Variants in ZNF331 observed in about 807,000 individuals in gnomAD.
ZNF331 encodes the protein zinc finger protein 331, also known as C2H2-like zinc finger protein rearranged in thyroid adenomas.
In ZNF331, 2 loss-of-function variants were observed where a neutral mutation model predicts 7.0. The observed-to-expected ratio is 0.29, with a 90% CI of 0.12 to 0.90. The LOEUF (loss-of-function observed/expected upper bound fraction) is 0.90. Ranked by LOEUF, ZNF331 falls within the 40% of genes least tolerant of loss-of-function variation. The probability of loss-of-function intolerance (pLI) is 0.58; values close to 1 mark genes in which losing one functional copy is unlikely to be tolerated. For missense variants in ZNF331, 432 were observed against 587.7 expected (o/e 0.74, Z 2.74); for synonymous variants, 196 against 205.4 (o/e 0.95, Z 0.39).
the ZNF331 span, chr19:53,504,391 C>G: frequency 1.3e-4 from 21 of 160,146 alleles, no homozygotes; most frequent in Admixed American, 1.1e-3. Context: ...GGTTATGAAA[C>G]GAGGCTTGTT....
intron 2 of ZNF331, among the ~76,000 whole-genome samples, chr19:53,530,990 C>T (rs2087516270): frequency 6.6e-6 from 1 of 152,126 alleles, no homozygotes; most frequent in South Asian, 2.1e-4. Context: ...CTGAAACACT[C>T]TGATCCCAGT....
intron 3 of ZNF331, among the ~76,000 whole-genome samples, chr19:53,557,003 A>G (rs1304924049): frequency 5.6e-5 from 6 of 106,954 alleles, no homozygotes; most frequent in Non-Finnish European, 1.1e-4. Context: ...TTTTTTTGGT[A>G]GATACAATGT....
upstream of ZNF331, among the ~76,000 whole-genome samples, chr19:53,514,599 C>T (rs988965875): frequency 7.2e-5 from 11 of 152,008 alleles, no homozygotes; most frequent in African/African-American, 2.7e-4. Flanking sequence ...ATCTTATTTC[C>T]ACTCCAGCTC....
At chr19:53,507,469 G>T in the ZNF331 span, among the ~76,000 whole-genome samples, 1 of 152,138 alleles carries the variant, frequency 6.6e-6, no homozygotes, top group Non-Finnish European at 1.5e-5. Flanking sequence ...CAACATCTCA[G>T]CTCTAAAGGA....
chr19:53,526,034 C>T (rs1048584177), intron 2 of ZNF331, among the ~76,000 whole-genome samples: 3 of 152,170 alleles, frequency 2.0e-5, no homozygotes, highest in African/African-American at 7.2e-5. Context: ...TTGTGATGAT[C>T]ATATGGATTT....
intron 2 of ZNF331, among the ~76,000 whole-genome samples, chr19:53,542,156 G>A (rs2088221936): frequency 6.6e-6 from 1 of 152,288 alleles, no homozygotes; most frequent in East Asian, 1.9e-4. Context: ...TTTATAAAAG[G>A]AATCCAACCC....
At chr19:53,505,412 T>A in the ZNF331 span, among the ~76,000 whole-genome samples, 1 of 152,160 alleles carries the variant, frequency 6.6e-6, no homozygotes, top group Non-Finnish European at 1.5e-5. Context: ...TTTCCCAGGC[T>A]GGTCTCGAGC....
chr19:53,565,570 A>G (rs2147597127), intron 3 of ZNF331, among the ~76,000 whole-genome samples: 1 of 151,984 alleles, frequency 6.6e-6, no homozygotes, highest in South Asian at 2.1e-4. Flanking sequence ...TCTGTCACCC[A>G]GGCTGGAGTG....
intron 1 of ZNF331, 32 bp downstream of exon 1, chr19:53,538,328 A>G (rs1417485671): frequency 6.6e-6 from 1 of 152,004 alleles, no homozygotes; most frequent in Admixed American, 6.5e-5. Flanking sequence ...CCGAGGGGAG[A>G]CGGGCACGGG....
intron 3 of ZNF331, among the ~76,000 whole-genome samples, chr19:53,556,807 A>T (rs1414879881): frequency 6.7e-6 from 1 of 150,052 alleles, no homozygotes; most frequent in Non-Finnish European, 1.5e-5. Context: ...GTGGCTGTAT[A>T]TTTTTATTTT....
chr19:53,513,177 ATCTG>A, the ZNF331 span, among the ~76,000 whole-genome samples: 194 of 147,282 alleles, frequency 1.3e-3, no homozygotes, highest in African/African-American at 4.6e-3. Context: ...CCGCTGAGAA[ATCTG>A]TCTGTCTGTC....
intron 1 of ZNF331, chr19:53,538,995 T>A (rs1476025189): frequency 3.3e-5 from 5 of 152,034 alleles, no homozygotes; most frequent in Non-Finnish European, 5.9e-5. Flanking sequence ...GCAGGCCACC[T>A]GAGTGACAGG....
In ZNF331 at chr19:53,558,080, T is replaced by G. The variant is rs1410159781; in HGVS notation, c.-74+2172T>G. Among the ~76,000 whole-genome samples, 1 of 152,124 alleles carries G rather than the reference T, an allele frequency of 6.6e-6. No homozygotes were observed. Among genetic ancestry groups the G allele is most frequent in the Admixed American group, 6.5e-5 (1 of 15,268 alleles). Reference sequence around the variant, plus strand: ...CATCTACCTGGAGATGGCATCAGATTCCACAGGTTGTGAGCAAGACTGTCC... The same window carrying G: ...CATCTACCTGGAGATGGCATCAGATGCCACAGGTTGTGAGCAAGACTGTCC... On this transcript the variant is annotated intron_variant, in intron 3 of 5. Transcript: ENST00000449416. The surrounding 1 kb of genome is among the most constrained non-coding windows in gnomAD (Gnocchi z 4.5).
At chr19:53,521,391 C>T in exon 1 of ZNF331, 1 of 152,512 alleles carries the variant, frequency 6.6e-6, no homozygotes, top group Non-Finnish European at 1.4e-5. Context: ...TGGTGGGGCC[C>T]CGCCGTGGCC....
intron 3 of ZNF331, among the ~76,000 whole-genome samples, chr19:53,559,371 ACAC>A (rs2089671607): frequency 6.7e-6 from 1 of 148,770 alleles, no homozygotes; most frequent in African/African-American, 2.6e-5. Flanking sequence ...ATATACACAC[ACAC>A]CCCATATATA....
At chr19:53,559,346 A>G (rs910531701) in intron 3 of ZNF331, among the ~76,000 whole-genome samples, 2 of 151,112 alleles carry the variant, frequency 1.3e-5, no homozygotes, top group Non-Finnish European at 3.0e-5. Flanking sequence ...ACACACATAT[A>G]CACACCATAC....
At chr19:53,531,151 C>T (rs1600223651) in intron 2 of ZNF331, among the ~76,000 whole-genome samples, 2 of 152,106 alleles carry the variant, frequency 1.3e-5, no homozygotes, top group African/African-American at 2.4e-5. Flanking sequence ...CGAAAAAGCA[C>T]GCCTTGAGAG....
chr19:53,572,046 A>C (rs913136843), intron 5 of ZNF331, among the ~76,000 whole-genome samples: 13 of 152,254 alleles, frequency 8.5e-5, no homozygotes, highest in African/African-American at 2.6e-4. Context: ...GTTTATACCC[A>C]AATTGCTATT....
intron 5 of ZNF331, among the ~76,000 whole-genome samples, chr19:53,572,072 TCTAGGGA>T (rs2090469630): frequency 6.6e-6 from 1 of 152,186 alleles, no homozygotes; most frequent in Non-Finnish European, 1.5e-5. Context: ...TCGGTGTTAC[TCTAGGGA>T]CCCACGTCTA....
Sources: gnomAD v4.1 joint callset for allele counts (sites outside exome capture counted in the v4.1 genomes callset) on GRCh38, gnomAD v4.1.1 for gene constraint, Gnocchi (gnomAD v3.1) non-coding constraint, MANE v1.5 for transcripts, NCBI Gene and HGNC (gene_info 2026-07-23, HGNC 2026-07-21) for gene names.